Variants in ADGRL2 observed in about 807,000 individuals in gnomAD.
ADGRL2 encodes adhesion G protein-coupled receptor L2, also known as calcium-independent alpha-latrotoxin receptor 2.
ADGRL2 carries 44 observed loss-of-function variants against 157.4 expected under a neutral mutation model. The ratio of observed to expected loss-of-function variants is 0.28; its 90% CI spans 0.22 to 0.36. The LOEUF is 0.36. Ranked by LOEUF, ADGRL2 falls within the 10% of genes least tolerant of loss-of-function variation. The pLI is 1.00. For synonymous variants in ADGRL2, 585 were observed against 624.7 expected, an observed-to-expected ratio of 0.94 and a Z score of 0.95; for missense variants, 1,510 against 1,768.9, an observed-to-expected ratio of 0.85 and a Z score of 2.63.
chr1:81,747,921 T>C (rs897731718), intron 1 of ADGRL2, among the ~76,000 whole-genome samples: 1 of 152,050 alleles, frequency 6.6e-6, no homozygotes, highest in East Asian at 1.9e-4. Context: ...TGTAAGAAAG[T>C]AGGAGTAGCT....
rs1553213267 is a variant in ADGRL2 at position 81,979,843 on chromosome 1, G to A, written c.3022-26G>A. 5 of 1,298,852 alleles carry A rather than the reference G, an allele frequency of 3.8e-6. No homozygotes were observed. The South Asian group carries it at 6.0e-5, about 15-fold the overall frequency. The allele number at this position is 1,298,852 out of a possible 1,614,324, so 80.5% of individuals were successfully genotyped here. On this transcript the variant is annotated intron_variant, in intron 17 of 23. Coordinates refer to ENST00000686636, the MANE Select transcript of ADGRL2 (RefSeq NM_001366006.2). ...ATTTTTCAGCTCTTTGTTCATTGTG[G>A]TCTAATTCTTTATTTGTTACAACAG...
intron 1 of ADGRL2, among the ~76,000 whole-genome samples, chr1:81,733,484 G>C (rs922038410): frequency 6.6e-6 from 1 of 152,118 alleles, no homozygotes; most frequent in Non-Finnish European, 1.5e-5. Context: ...AGTACCTCAG[G>C]TGTCTCCCAG....
Position 81,968,079 on chromosome 1 carries a change from T to A in ADGRL2, c.2403T>A (p.Thr801=), listed in dbSNP as rs1216456101. ...CCTTCTGGAACTACTCAGAGAGAACTATGATGGGATATTGGTCTACCCAGG... is the reference window on the plus strand; with the variant it reads ...CCTTCTGGAACTACTCAGAGAGAACAATGATGGGATATTGGTCTACCCAGG... ...NCSFWNYSER[T]MMGYWSTQGC... Residue 801 remains threonine, a synonymous_variant, in exon 14 of 24, where the codon ACT becomes ACA. Coordinates refer to ENST00000686636, the MANE Select transcript of ADGRL2 (RefSeq NM_001366006.2). 1 of 1,613,976 alleles carries A rather than the reference T, an allele frequency of 6.2e-7. No homozygotes were observed. Among genetic ancestry groups the A allele is most frequent in the Non-Finnish European group, 8.5e-7 (1 of 1,179,842 alleles).
At chr1:81,779,184 A>C (rs1407327003) in intron 2 of ADGRL2, among the ~76,000 whole-genome samples, 1 of 152,146 alleles carries the variant, frequency 6.6e-6, no homozygotes, top group Non-Finnish European at 1.5e-5. Context: ...CTTACATTCC[A>C]CTACAGGAAA....
intron 1 of ADGRL2, chr1:81,722,693 A>G: frequency 9.0e-7 from 1 of 1,115,764 alleles, no homozygotes; most frequent in Non-Finnish European, 1.3e-6. Flanking sequence ...GAAATTGCAG[A>G]AGAAAGTATG....
At chr1:81,760,329 A>G (rs1368423087) in intron 1 of ADGRL2, among the ~76,000 whole-genome samples, 1 of 152,122 alleles carries the variant, frequency 6.6e-6, no homozygotes, top group Non-Finnish European at 1.5e-5. Flanking sequence ...TTGAGATGAA[A>G]TGTGCAAGAA....
At chr1:81,792,416 T>C (rs2087393215) in intron 2 of ADGRL2, among the ~76,000 whole-genome samples, 1 of 152,198 alleles carries the variant, frequency 6.6e-6, no homozygotes, top group Non-Finnish European at 1.5e-5. Flanking sequence ...TCTTATGTGA[T>C]ATTGTGCCAG....
chr1:81,893,558 T>C (rs575235628), intron 2 of ADGRL2, among the ~76,000 whole-genome samples: 1 of 152,280 alleles, frequency 6.6e-6, no homozygotes, highest in East Asian at 1.9e-4. Flanking sequence ...TATCCAGAAG[T>C]TGGAACTGCT....
chr1:81,428,517 A>T (rs768378411), intron 1 of ADGRL2, among the ~76,000 whole-genome samples: 14 of 152,210 alleles, frequency 9.2e-5, no homozygotes, highest in Non-Finnish European at 2.9e-5. Flanking sequence ...CATGGGAGTC[A>T]TAGCAAGTAT....
intron 1 of ADGRL2, among the ~76,000 whole-genome samples, chr1:81,380,895 C>A (rs2076333053): frequency 6.6e-6 from 1 of 151,808 alleles, no homozygotes. Context: ...TATTTTATTT[C>A]AATTACATGA....
intron 1 of ADGRL2, among the ~76,000 whole-genome samples, chr1:81,391,931 A>G (rs2076566868): frequency 6.6e-6 from 1 of 152,158 alleles, no homozygotes. Flanking sequence ...TTTACCTACT[A>G]TGTGCTTTAT....
intron 3 of ADGRL2, among the ~76,000 whole-genome samples, chr1:81,618,650 A>G (rs1473344594): frequency 6.6e-6 from 1 of 152,220 alleles, no homozygotes; most frequent in Admixed American, 6.5e-5. Context: ...TAAACACCAT[A>G]TGAATAAAAC....
intron 1 of ADGRL2, among the ~76,000 whole-genome samples, chr1:81,803,028 C>T (rs1412923761): frequency 6.6e-6 from 1 of 152,070 alleles, no homozygotes; most frequent in Admixed American, 6.6e-5. Context: ...CCCGGAGCCG[C>T]AGTGAGAGGG....
At chr1:81,769,301 A>G (rs939101576) in intron 2 of ADGRL2, among the ~76,000 whole-genome samples, 1 of 152,184 alleles carries the variant, frequency 6.6e-6, no homozygotes, top group African/African-American at 2.4e-5. Flanking sequence ...CACTCAAGAA[A>G]GCATTCCCTT....
intron 1 of ADGRL2, among the ~76,000 whole-genome samples, chr1:81,344,931 T>C (rs1454760550): frequency 6.6e-6 from 1 of 152,188 alleles, no homozygotes; most frequent in Non-Finnish European, 1.5e-5. Flanking sequence ...CATTCATCAA[T>C]AATAAATTCA....
chr1:81,472,197 A>G (rs2078185131), intron 2 of ADGRL2, among the ~76,000 whole-genome samples: 1 of 152,244 alleles, frequency 6.6e-6, no homozygotes, highest in East Asian at 1.9e-4. Context: ...TGGGGATGTT[A>G]CTTTACTAGA....
chr1:81,662,563 T>C (rs1242753681), intron 3 of ADGRL2, among the ~76,000 whole-genome samples: 1 of 146,194 alleles, frequency 6.8e-6, no homozygotes. Flanking sequence ...CTTTCTTTTT[T>C]TTTCTTTTTG....
At chr1:81,439,373 G>A (rs2077466534) in intron 1 of ADGRL2, among the ~76,000 whole-genome samples, 1 of 152,228 alleles carries the variant, frequency 6.6e-6, no homozygotes, top group Admixed American at 6.5e-5. Flanking sequence ...TCTGAGCTGT[G>A]TGACCTTAGC....
At chr1:81,511,198 C>A (rs2079068656) in intron 2 of ADGRL2, among the ~76,000 whole-genome samples, 1 of 151,812 alleles carries the variant, frequency 6.6e-6, no homozygotes, top group African/African-American at 2.4e-5. Flanking sequence ...AGAACAAAAT[C>A]CTTCTAAAAC....
Sources: gnomAD v4.1 joint callset for allele counts (sites outside exome capture counted in the v4.1 genomes callset) on GRCh38, gnomAD v4.1.1 for gene constraint, MANE v1.5 for transcripts, NCBI Gene and HGNC (gene_info 2026-07-23, HGNC 2026-07-21) for gene names.